CLIP1: variants seen among roughly 807,000 people sequenced by gnomAD.
CLIP1 encodes CAP-Gly domain containing linker protein 1.
CLIP1 carries 66 observed loss-of-function variants against 161.6 expected under a neutral mutation model. That is an observed-to-expected ratio of 0.41 (90% CI 0.33 to 0.50). CLIP1 has a LOEUF of 0.50. Ranked by LOEUF, CLIP1 falls within the 20% of genes least tolerant of loss-of-function variation. The pLI, the probability that CLIP1 is intolerant of heterozygous loss-of-function variation, is 0.27. For missense variants in CLIP1, 1,376 were observed against 1,702.0 expected, an observed-to-expected ratio of 0.81 and a Z score of 3.37; for synonymous variants, 598 against 626.2, an observed-to-expected ratio of 0.96 and a Z score of 0.67.
At chr12:122,387,565 TATATATATATATATA>T (rs1955345117) in intron 1 of CLIP1, among the ~76,000 whole-genome samples, 1 of 10,822 alleles carries the variant, frequency 9.2e-5, no homozygotes, top group South Asian at 2.2e-3. Flanking sequence ...TATATATATA[TATATATATATATATA>T]TATATATATA....
At chr12:122,347,531 C>T (rs184171481) in intron 9 of CLIP1, 52 bp from the exon 10 acceptor site, 6 of 1,385,128 alleles carry the variant, frequency 4.3e-6, no homozygotes, top group Admixed American at 1.7e-5. Context: ...CCATGACATG[C>T]CAGCACGAGA....
At chr12:122,280,757 AAC>A (rs1464665362) in intron 21 of CLIP1, 1 of 152,272 alleles carries the variant, frequency 6.6e-6, no homozygotes, top group African/African-American at 2.4e-5. Context: ...TGCAGTGTGA[AAC>A]ACGAGAGGAA....
intron 20 of CLIP1, among the ~76,000 whole-genome samples, chr12:122,302,800 T>A (rs1168051733): frequency 6.6e-6 from 1 of 152,176 alleles, no homozygotes; most frequent in Non-Finnish European, 1.5e-5. Context: ...TTTCGCCATG[T>A]TAGCCAGGCT....
intron 1 of CLIP1, among the ~76,000 whole-genome samples, chr12:122,416,074 C>A (rs572841289): frequency 6.6e-6 from 1 of 151,776 alleles, no homozygotes; most frequent in East Asian, 2.0e-4. Context: ...CCTGTCTCTA[C>A]TAAAAACACA....
chr12:122,375,339 T>C (rs954861369), intron 3 of CLIP1, among the ~76,000 whole-genome samples: 8 of 149,928 alleles, frequency 5.3e-5, no homozygotes, highest in African/African-American at 2.0e-4. Context: ...TTCTTTGACA[T>C]AGAGTCTCAC....
chr12:122,312,838 G>A (rs1461498938), intron 19 of CLIP1, among the ~76,000 whole-genome samples: 2 of 152,114 alleles, frequency 1.3e-5, no homozygotes, highest in Non-Finnish European at 2.9e-5. Context: ...TAGGTGAAGA[G>A]AAACACCAAA....
chr12:122,370,257 G>A (rs1954380091), intron 3 of CLIP1, among the ~76,000 whole-genome samples: 1 of 151,962 alleles, frequency 6.6e-6, no homozygotes, highest in Non-Finnish European at 1.5e-5. Context: ...AAGGACAAGA[G>A]GTCGGGAGGG....
At chr12:122,288,234 A>G (rs113051458) in intron 21 of CLIP1, among the ~76,000 whole-genome samples, 24 of 152,208 alleles carry the variant, frequency 1.6e-4, no homozygotes, top group African/African-American at 5.8e-4. Flanking sequence ...GGGATTCACT[A>G]TGTTGGTCAG....
At chr12:122,281,224 C>A (rs900600585) in intron 21 of CLIP1, among the ~76,000 whole-genome samples, 1 of 152,192 alleles carries the variant, frequency 6.6e-6, no homozygotes, top group African/African-American at 2.4e-5. Context: ...GCATTACTCA[C>A]GCACTGGCAA....
At chr12:122,319,989 T>C (rs1010914546) in intron 17 of CLIP1, among the ~76,000 whole-genome samples, 1 of 152,110 alleles carries the variant, frequency 6.6e-6, no homozygotes, top group Non-Finnish European at 1.5e-5. Context: ...AAAAGTTAGA[T>C]ATAGGCCGGG....
At chr12:122,294,787 C>G (rs1950406015) in intron 20 of CLIP1, among the ~76,000 whole-genome samples, 1 of 151,182 alleles carries the variant, frequency 6.6e-6, no homozygotes. Context: ...CAGTGCCTCA[C>G]GTCTGTAATC....
chr12:122,335,763 C>T (rs1055028297), intron 12 of CLIP1, among the ~76,000 whole-genome samples: 9 of 151,426 alleles, frequency 5.9e-5, no homozygotes, highest in Non-Finnish European at 1.3e-4. Context: ...GCCGAGATCG[C>T]GCCACTGCAC....
intron 5 of CLIP1, among the ~76,000 whole-genome samples, chr12:122,356,779 AGG>A (rs1953398302): frequency 6.6e-6 from 1 of 152,050 alleles, no homozygotes; most frequent in African/African-American, 2.4e-5. Flanking sequence ...CTGCGATTGC[AGG>A]CGCGCGCCGC....
chr12:122,334,624 T>C, intron 13 of CLIP1, 24 bp downstream of exon 13: 1 of 1,532,770 alleles, frequency 6.5e-7, no homozygotes, highest in Non-Finnish European at 8.9e-7. Flanking sequence ...TAAAGCAATC[T>C]GCACACGCTC....
chr12:122,304,861 C>T (rs1486436678), intron 20 of CLIP1, among the ~76,000 whole-genome samples: 1 of 152,200 alleles, frequency 6.6e-6, no homozygotes, highest in Non-Finnish European at 1.5e-5. Flanking sequence ...TGATAACCAC[C>T]ATTTTTCCAA....
chr12:122,422,753 T>A, upstream of CLIP1: 1 of 120,880 alleles, frequency 8.3e-6, no homozygotes, highest in Non-Finnish European at 1.8e-5. Context: ...GCCCCTCGAG[T>A]CCGCACCGGC....
intron 17 of CLIP1, among the ~76,000 whole-genome samples, chr12:122,324,881 G>T (rs940561379): frequency 1.1e-4 from 17 of 152,114 alleles, no homozygotes; most frequent in Non-Finnish European, 2.5e-4. Flanking sequence ...AAGGGTAGCT[G>T]AGGGGCTGAG....
rs7978870 is a variant in CLIP1 at position 122,380,321 on chromosome 12, T to C, written c.85+47A>G. The stretch of plus-strand genomic sequence containing the variant: ...TAATGTTTTAAAATTAAAAAGCAAA[T>C]TGAAGTCTCCATATAGGATAAGGAA... On this transcript the variant is annotated intron_variant, in intron 2 of 25. Coordinates refer to ENST00000620786, the MANE Select transcript of CLIP1 (RefSeq NM_001247997.2). 11,961 of 1,146,942 alleles carry C rather than the reference T, an allele frequency of 0.01. 898 individuals are homozygous for C. The African/African-American group carries it at 0.17, about 16-fold the overall frequency. The allele number at this position is 1,146,942 out of a possible 1,614,324, so 71.0% of individuals were successfully genotyped here.
chr12:122,403,499 GTTTTTTT>G (rs11302150), intron 1 of CLIP1, among the ~76,000 whole-genome samples: 2 of 72,304 alleles, frequency 2.8e-5, no homozygotes, highest in South Asian at 5.1e-4. Context: ...TTCTTGTTTT[GTTTTTTT>G]TTTTTTTTTT....
Sources: allele counts gnomAD v4.1 joint callset (sites outside exome capture counted in the v4.1 genomes callset), GRCh38; gene constraint gnomAD v4.1.1; transcripts MANE v1.5; gene names NCBI Gene and HGNC (gene_info 2026-07-23, HGNC 2026-07-21).